Variants in IL23R observed in about 807,000 individuals in gnomAD.
The protein encoded by IL23R is interleukin-23 receptor.
In IL23R, 34 loss-of-function variants were observed where a neutral mutation model predicts 56.9. The observed-to-expected ratio is 0.60, with a 90% CI of 0.45 to 0.80. The LOEUF (loss-of-function observed/expected upper bound fraction) is 0.80. Ranked by LOEUF, IL23R falls within the 30% of genes least tolerant of loss-of-function variation. The probability of loss-of-function intolerance (pLI) is 0.00; values close to 1 mark genes in which losing one functional copy is unlikely to be tolerated. For missense variants in IL23R, 635 were observed against 730.0 expected (o/e 0.87, Z 1.50); for synonymous variants, 230 against 249.2 (o/e 0.92, Z 0.73).
chr1:67,151,597 G>T (rs890596635), intron 1 of IL23R, among the ~76,000 whole-genome samples: 1 of 152,182 alleles, frequency 6.6e-6, no homozygotes, highest in Admixed American at 6.5e-5. Context: ...TATATTTTAA[G>T]TCTTTAATCC....
chr1:67,215,764 T>A (rs1210779237), intron 6 of IL23R, among the ~76,000 whole-genome samples: 1 of 152,212 alleles, frequency 6.6e-6, no homozygotes, highest in East Asian at 1.9e-4. Flanking sequence ...GCAGTCTTCA[T>A]CCTACTCTAG....
intron 1 of IL23R, among the ~76,000 whole-genome samples, chr1:67,154,535 T>C (rs185447881): frequency 5.3e-5 from 8 of 152,284 alleles, no homozygotes; most frequent in African/African-American, 1.9e-4. Context: ...CTTTTTTTAA[T>C]TTTTGTTGGT....
chr1:67,142,327 G>A (rs1190203843), intron 1 of IL23R, among the ~76,000 whole-genome samples: 2 of 152,044 alleles, frequency 1.3e-5, no homozygotes, highest in African/African-American at 4.8e-5. Context: ...ATAATTTGGT[G>A]AGTTTAAAAG....
chr1:67,197,104 G>C (rs1648213639), intron 4 of IL23R, among the ~76,000 whole-genome samples: 1 of 152,190 alleles, frequency 6.6e-6, no homozygotes, highest in African/African-American at 2.4e-5. Context: ...CCTTCAATGT[G>C]AGTGAACTCA....
chr1:67,260,421 T>C (rs9988642), downstream of IL23R, among the ~76,000 whole-genome samples: 19,388 of 152,112 alleles, frequency 0.13, 1,963 homozygotes, highest in African/African-American at 0.28. Flanking sequence ...AGTACCTGTT[T>C]TGATGGCAAA....
chr1:67,207,356 AC>A (rs1254739953), intron 6 of IL23R, among the ~76,000 whole-genome samples: 1 of 152,048 alleles, frequency 6.6e-6, no homozygotes, highest in Non-Finnish European at 1.5e-5. Flanking sequence ...TTGCCTTCCT[AC>A]CTTCCTCCAC....
chr1:67,151,565 G>C (rs1646728594), intron 1 of IL23R, among the ~76,000 whole-genome samples: 1 of 152,164 alleles, frequency 6.6e-6, no homozygotes, highest in Non-Finnish European at 1.5e-5. Context: ...TTTTCTTCTA[G>C]GGTTTTTATG....
chr1:67,202,097 T>C (rs1310532223), intron 5 of IL23R, among the ~76,000 whole-genome samples: 2 of 152,222 alleles, frequency 1.3e-5, no homozygotes, highest in Non-Finnish European at 2.9e-5. Context: ...TGACACCAAG[T>C]CTGAATCATC....
At chr1:67,155,426 C>T (rs1431481182) in intron 1 of IL23R, among the ~76,000 whole-genome samples, 1 of 152,146 alleles carries the variant, frequency 6.6e-6, no homozygotes. Flanking sequence ...TTCAGGTACT[C>T]CAGTCAATCA....
chr1:67,244,952 T>C (rs1047600752), intron 9 of IL23R, among the ~76,000 whole-genome samples: 1 of 152,238 alleles, frequency 6.6e-6, no homozygotes, highest in Non-Finnish European at 1.5e-5. Context: ...GAGCATGGAA[T>C]GTTTTTCCAT....
chr1:67,175,479 C>A (rs1646995858), intron 3 of IL23R, among the ~76,000 whole-genome samples: 1 of 152,136 alleles, frequency 6.6e-6, no homozygotes, highest in South Asian at 2.1e-4. Flanking sequence ...AAGTCTGCAG[C>A]CTTTAAACAA....
At chr1:67,241,505 T>G (rs1033859135) in intron 9 of IL23R, among the ~76,000 whole-genome samples, 13 of 152,180 alleles carry the variant, frequency 8.5e-5, no homozygotes, top group Non-Finnish European at 1.9e-4. Flanking sequence ...AAAATCCCCC[T>G]TTTTGGTCAG....
At chr1:67,164,668 A>T (rs997317896), upstream of IL23R, among the ~76,000 whole-genome samples, 61 of 151,888 alleles carry the variant, frequency 4.0e-4, no homozygotes, top group East Asian at 1.9e-4. Context: ...AAATAAAATA[A>T]AATAAAATAA....
At chr1:67,195,117 G>A (rs1648035399) in intron 4 of IL23R, among the ~76,000 whole-genome samples, 2 of 152,156 alleles carry the variant, frequency 1.3e-5, no homozygotes, top group Non-Finnish European at 2.9e-5. Flanking sequence ...TTGGCTCACT[G>A]CAGCCTCCAT....
rs1463672176 is a variant in IL23R at position 67,255,874 on chromosome 1, C to T, written c.1186C>T (p.Leu396Phe). The T allele has an allele frequency of 2.5e-6, 4 of 1,599,432 alleles. No individual in the cohort carries two copies. In the African/African-American group the frequency reaches 4.0e-5, roughly 16 times the overall value. The change falls in exon 10 of 11, where the codon CTT becomes TTT. Residue 396 changes from leucine (L) to phenylalanine (F), a missense_variant. Leu to Phe is a conservative substitution (Grantham distance 22). Transcript: ENST00000347310. ...GATCTTATTGTTAATACCAAAGTGG[C>T]TTTATGAAGATATTCCTAATATGAA... ...RRILLLIPKW[L>F]YEDIPNMKNS...
intron 5 of IL23R, 96 bp downstream of exon 5, chr1:67,200,993 T>C (rs1156859489): frequency 5.6e-5 from 70 of 1,255,274 alleles, no homozygotes; most frequent in Non-Finnish European, 8.0e-5. Flanking sequence ...CCCCTAAAGT[T>C]CCTGCAGAGC....
At chr1:67,209,177 T>C (rs1438662606) in intron 6 of IL23R, among the ~76,000 whole-genome samples, 8 of 152,172 alleles carry the variant, frequency 5.3e-5, no homozygotes, top group Admixed American at 5.2e-4. Context: ...TTGCTTTTGA[T>C]TTTATAGGCT....
chr1:67,265,685 T>C, the IL23R span, among the ~76,000 whole-genome samples: 7,159 of 152,242 alleles, frequency 0.047, 233 homozygotes, highest in Non-Finnish European at 0.069. Context: ...TGTTAGGTTG[T>C]CAGGGACAGA....
Position 67,202,042 on chromosome 1 carries a change from C to G in IL23R, c.652+1145C>G, listed in dbSNP as rs553437389. On this transcript the variant is annotated intron_variant, in intron 5 of 10. Coordinates refer to ENST00000347310, the MANE Select transcript of IL23R (RefSeq NM_144701.3). ...ATTCCAAAAAGTAATTACCCTTGAGCCTTTTACAACTACATCCAAGTCCTA... is the reference window on the plus strand; with the variant it reads ...ATTCCAAAAAGTAATTACCCTTGAGGCTTTTACAACTACATCCAAGTCCTA... 9.2e-5 allele frequency among the ~76,000 whole-genome samples: 14 copies of G among 152,230 alleles called. 1 individual carries two copies. In the South Asian group the frequency reaches 1.9e-3, roughly 20 times the overall value.
Sources: allele counts gnomAD v4.1 joint callset (sites outside exome capture counted in the v4.1 genomes callset), GRCh38; gene constraint gnomAD v4.1.1; transcripts MANE v1.5; gene names NCBI Gene and HGNC (gene_info 2026-07-23, HGNC 2026-07-21).